PCDHGB5: variants seen among roughly 807,000 people sequenced by gnomAD.
The protein encoded by PCDHGB5 is protocadherin gamma-B5.
Under a neutral mutation model 62.9 loss-of-function variants are expected in PCDHGB5, and 48 were observed. That is an observed-to-expected ratio of 0.76 (90% CI 0.61 to 0.97). The LOEUF is 0.97. Among genes scored for constraint, PCDHGB5 ranks in the 50% least tolerant of loss-of-function variants. The probability of loss-of-function intolerance (pLI) is 0.00; values close to 1 mark genes in which losing one functional copy is unlikely to be tolerated. For missense variants in PCDHGB5, 1,118 were observed against 1,198.6 expected, an observed-to-expected ratio of 0.93 and a Z score of 0.99; for synonymous variants, 474 against 511.2, an observed-to-expected ratio of 0.93 and a Z score of 0.98.
intron 1 of PCDHGB5, among the ~76,000 whole-genome samples, chr5:141,434,767 C>T (rs2097715264): frequency 6.6e-6 from 1 of 151,182 alleles, no homozygotes. Flanking sequence ...CCACTTCACA[C>T]TTCTAAAAAA....
At chr5:141,449,328 C>G (rs1340432771) in intron 1 of PCDHGB5, among the ~76,000 whole-genome samples, 1 of 151,866 alleles carries the variant, frequency 6.6e-6, no homozygotes, top group African/African-American at 2.4e-5. Flanking sequence ...ATCTGTAGGC[C>G]AGGTGCAGTG....
At chr5:141,449,888 A>G (rs544369390) in intron 1 of PCDHGB5, among the ~76,000 whole-genome samples, 1 of 151,990 alleles carries the variant, frequency 6.6e-6, no homozygotes, top group Non-Finnish European at 1.5e-5. Flanking sequence ...ATGCAATATA[A>G]TTATTTAGCC....
At position 141,485,286 on chromosome 5, in the gene PCDHGB5, A is replaced by G; in HGVS notation, c.2398-9521A>G. The G allele has an allele frequency of 2.5e-6, 4 of 1,614,044 alleles. No individual in the cohort carries two copies. On this transcript the variant is annotated intron_variant, in intron 1 of 3. Transcript: ENST00000617380. This position sits in a 1 kb window ranked among gnomAD's most constrained non-coding sequence, Gnocchi z 5.7. ...CAGATCCGCTACCCGGTCCCAGAGG[A>G]GTCACAGGAAGGGACTTTTGTAGGG...
intron 1 of PCDHGB5, chr5:141,421,226 C>A (rs368125665): frequency 3.7e-5 from 58 of 1,584,718 alleles, no homozygotes; most frequent in Non-Finnish European, 4.6e-5. Context: ...TTAGAGCCTG[C>A]CATGGCGAAT....
At position 141,399,376 on chromosome 5, in the gene PCDHGB5, A is replaced by G; in HGVS notation, c.1249A>G (p.Thr417Ala). The change falls in exon 1 of 4, where the codon ACC (threonine) becomes GCC (alanine). Residue 417 changes from threonine to alanine, a missense_variant. Thr to Ala is a moderately conservative substitution (Grantham distance 58, BLOSUM62 0). Around this residue, in one of 2 missense-constraint regions of PCDHGB5, gnomAD observed 1,034 missense variants for 1,029.1 expected, o/e 1.00. Coordinates refer to ENST00000617380, the MANE Select transcript of PCDHGB5 (RefSeq NM_018925.3). ...DREQTPEYNV[T>A]ITATDRGKPP... ...AGAGCAAACCCCGGAGTACAATGTCACCATCACAGCCACAGACAGGGGCAA... is the reference window on the plus strand; with the variant it reads ...AGAGCAAACCCCGGAGTACAATGTCGCCATCACAGCCACAGACAGGGGCAA... 1 of 1,613,956 alleles carries G rather than the reference A, an allele frequency of 6.2e-7. No homozygotes were observed. Among genetic ancestry groups the G allele is most frequent in the Non-Finnish European group, 8.5e-7 (1 of 1,179,878 alleles).
intron 2 of PCDHGB5, among the ~76,000 whole-genome samples, chr5:141,499,099 C>T (rs1031964059): frequency 1.3e-5 from 2 of 152,156 alleles, no homozygotes; most frequent in Non-Finnish European, 2.9e-5. Context: ...ACATGCTTCT[C>T]CTCCCCACCA....
intron 1 of PCDHGB5, among the ~76,000 whole-genome samples, chr5:141,451,062 T>C (rs1292296274): frequency 1.3e-5 from 2 of 151,500 alleles, no homozygotes; most frequent in Non-Finnish European, 2.9e-5. Flanking sequence ...ACTCCTGACC[T>C]TGTGATCCAC....
intron 1 of PCDHGB5, chr5:141,413,452 AGGATAGACC>A (rs2095643065): frequency 6.2e-7 from 1 of 1,614,124 alleles, no homozygotes; most frequent in Admixed American, 1.7e-5. Context: ...CACCGCGGGC[AGGATAGACC>A]GGGAGGAGCT....
chr5:141,414,280 G>C, intron 1 of PCDHGB5: 5 of 1,613,604 alleles, frequency 3.1e-6, no homozygotes, highest in Non-Finnish European at 4.2e-6. Context: ...TCTGGGAACA[G>C]TCGTAGCCCT....
chr5:141,499,191 C>A (rs920773306), intron 2 of PCDHGB5, among the ~76,000 whole-genome samples: 1 of 152,116 alleles, frequency 6.6e-6, no homozygotes, highest in Non-Finnish European at 1.5e-5. Context: ...ACCATTTCCC[C>A]CTTCTTAGGC....
chr5:141,419,701 C>T (rs1268060859), intron 1 of PCDHGB5: 7 of 1,612,860 alleles, frequency 4.3e-6, no homozygotes, highest in Non-Finnish European at 5.9e-6. Flanking sequence ...CCAGTGAGCC[C>T]GGGCTCTTCA....
intron 1 of PCDHGB5, chr5:141,410,207 C>T: frequency 6.2e-7 from 1 of 1,614,024 alleles, no homozygotes; most frequent in African/African-American, 1.3e-5. Context: ...AGACAACTTG[C>T]AAGAGATACT....
Position 141,508,665 on chromosome 5 carries a change from C to T in PCDHGB5, c.2546-2282C>T, listed in dbSNP as rs181641281. ...CGTCAGGCCCTTCCTGTCATTCTGT[C>T]TCTGCCTCCCTTCTCCCTGCTTCTC... On this transcript the variant is annotated intron_variant, in intron 3 of 3. Coordinates refer to ENST00000617380, the MANE Select transcript of PCDHGB5 (RefSeq NM_018925.3). Among the ~76,000 whole-genome samples the T allele has an allele frequency of 3.7e-3, 564 of 152,254 alleles. 5 individuals carry two copies. Among genetic ancestry groups the T allele is most frequent in the Admixed American group, 0.011 (164 of 15,296 alleles).
Position 141,405,224 on chromosome 5 carries a change from T to C in PCDHGB5, c.2397+4700T>C, listed in dbSNP as rs542102197. Reference sequence around the variant, plus strand: ...CCTACAGACCTATTCTCAGGAGTTCTCCCTCACCGCTGACTCAAGGAAGAG... The same window carrying C: ...CCTACAGACCTATTCTCAGGAGTTCCCCCTCACCGCTGACTCAAGGAAGAG... On this transcript the variant is annotated intron_variant, in intron 1 of 3. Coordinates refer to ENST00000617380, the MANE Select transcript of PCDHGB5 (RefSeq NM_018925.3). The C allele has an allele frequency of 2.6e-5, 42 of 1,614,036 alleles. No homozygotes were observed. The African/African-American group carries it at 4.7e-4, about 18-fold the overall frequency.
In PCDHGB5 at chr5:141,511,308, G is replaced by A. The variant is rs76613492; in HGVS notation, c.*135G>A. ...AGGGGCCAAGGCCATGCTCCCCTTG[G>A]GAAACAGAAACAAGTGCCCAGTCAG... is the stretch of plus-strand genomic sequence containing the variant. On this transcript the variant is annotated 3_prime_UTR_variant, in exon 4 of 4. Coordinates refer to ENST00000617380, the MANE Select transcript of PCDHGB5 (RefSeq NM_018925.3). 1.1e-3 allele frequency: 1,589 copies of A among 1,487,716 alleles called. 16 individuals carry two copies. In the African/African-American group the frequency reaches 0.021, roughly 19 times the overall value. The allele number at this position is 1,487,716 out of a possible 1,614,324, so 92.2% of individuals were successfully genotyped here.
chr5:141,405,233 G>A (rs746061797), intron 1 of PCDHGB5: 10 of 1,613,914 alleles, frequency 6.2e-6, no homozygotes, highest in East Asian at 2.2e-5. Flanking sequence ...CTCCCTCACC[G>A]CTGACTCAAG....
At chr5:141,504,517 T>C (rs1057166865) in intron 2 of PCDHGB5, among the ~76,000 whole-genome samples, 5 of 151,918 alleles carry the variant, frequency 3.3e-5, no homozygotes, top group African/African-American at 1.2e-4. Context: ...TCTCCTCTGA[T>C]ATATTTTATT....
rs146372628 is a variant in PCDHGB5, at chr5:141,476,246, G to A, written c.2398-18561G>A. On this transcript the variant is annotated intron_variant, in intron 1 of 3. Coordinates refer to ENST00000617380, the MANE Select transcript of PCDHGB5 (RefSeq NM_018925.3). The surrounding 1 kb of genome is among the most constrained non-coding windows in gnomAD (Gnocchi z 7.6). ...TGAGATCCCGGAGGAAAGAGAGAAG[G>A]GTTTCGCTGTGGGCAACGTGGTCGC... 1.0e-3 allele frequency: 1,689 copies of A among 1,613,996 alleles called. 1 individual carries two copies. Among genetic ancestry groups the A allele is most frequent in the Non-Finnish European group, 1.3e-3 (1,557 of 1,180,008 alleles).
intron 1 of PCDHGB5, among the ~76,000 whole-genome samples, chr5:141,465,116 C>A (rs2099097321): frequency 6.6e-6 from 1 of 150,972 alleles, no homozygotes; most frequent in Non-Finnish European, 1.5e-5. Context: ...AGTGTTTTAG[C>A]CTAAATTTGT....
Sources: allele counts gnomAD v4.1 joint callset (sites outside exome capture counted in the v4.1 genomes callset), GRCh38; gene constraint gnomAD v4.1.1; regional missense constraint gnomAD v4.1.1; non-coding constraint Gnocchi (gnomAD v3.1); transcripts MANE v1.5; gene names NCBI Gene and HGNC (gene_info 2026-07-23, HGNC 2026-07-21).